FDXR: variants seen among roughly 807,000 people sequenced by gnomAD.
FDXR encodes the protein NADPH:adrenodoxin oxidoreductase, mitochondrial.
A neutral mutation model predicts 58.3 loss-of-function variants in FDXR; 38 were observed. The observed-to-expected ratio is 0.65, with a 90% CI of 0.50 to 0.85. FDXR has a LOEUF of 0.85. Among genes scored for constraint, FDXR ranks in the 40% least tolerant of loss-of-function variants. FDXR has a pLI of 0.00. For missense variants in FDXR, 624 were observed against 671.0 expected (o/e 0.93, Z 0.77); for synonymous variants, 275 against 273.8 (o/e 1.00, Z -0.04).
In FDXR at chr17:74,863,945, G is replaced by A. The variant is rs776712315; in HGVS notation, c.1125C>T (p.Ser375=). 4.5e-5 allele frequency: 73 copies of A among 1,613,936 alleles called. No individual in the cohort carries two copies. The highest frequency in any genetic ancestry group is 6.0e-5 in the Non-Finnish European group (71 of 1,180,006). The change falls in exon 10 of 12, where the codon TCC becomes TCT. Residue 375 remains serine (S), a synonymous_variant. Coordinates refer to ENST00000293195, the MANE Select transcript of FDXR (RefSeq NM_024417.5). ...CCACATTGGGGATGACCCCAAGCTT[G>A]GAGTCAAAGGGCACGCTTGGGTCGA... ...RPVDPSVPFD[S]KLGVIPNVEG... is the part of the protein sequence containing the mutation.
chr17:74,871,938 TA>T (rs2038386897), intron 2 of FDXR, 97 bp downstream of exon 2: 1 of 866,698 alleles, frequency 1.2e-6, no homozygotes. Flanking sequence ...CCCTTCCCCA[TA>T]AGGCAACCAG....
chr17:74,868,881 A>G, intron 2 of FDXR: 1 of 791,108 alleles, frequency 1.3e-6, no homozygotes, highest in South Asian at 1.9e-5. Flanking sequence ...CATCTCCCCA[A>G]GCTCCAAACC....
intron 5 of FDXR, 46 bp downstream of exon 5, chr17:74,866,085 T>G (rs1255529756): frequency 7.1e-7 from 1 of 1,409,950 alleles, no homozygotes; most frequent in Non-Finnish European, 1.0e-6. Flanking sequence ...ATCCAAGGGC[T>G]GAGGGGCGGG....
Position 74,866,565 on chromosome 17 carries a change from C to T in FDXR, c.274G>A (p.Val92Ile). ...GCCGTCTGGGTAAATGTGTTGATGACATTCTGCCAGGTCCCCCGGGAATGG... is the reference window on the plus strand; with the variant it reads ...GCCGTCTGGGTAAATGTGTTGATGATATTCTGCCAGGTCCCCCGGGAATGG... ...VAPDHPEVKN[V>I]INTFTQTAHS... The change falls in exon 4 of 12, where the codon GTC (valine) becomes ATC (isoleucine). Residue 92 changes from valine to isoleucine, a missense_variant. By Grantham distance (29) the Val-to-Ile change is conservative. Coordinates refer to ENST00000293195, the MANE Select transcript of FDXR (RefSeq NM_024417.5). 6.2e-7 allele frequency: 1 copy of T among 1,613,542 alleles called. No homozygotes were observed. Among genetic ancestry groups the T allele is most frequent in the Non-Finnish European group, 8.5e-7 (1 of 1,180,028 alleles).
chr17:74,867,695 G>A (rs1567915308), intron 2 of FDXR, among the ~76,000 whole-genome samples: 2 of 152,152 alleles, frequency 1.3e-5, no homozygotes, highest in African/African-American at 2.4e-5. Flanking sequence ...CTGCATGACC[G>A]CCTTCCCAGG....
intron 3 of FDXR, 59 bp downstream of exon 3, chr17:74,866,725 G>C (rs1385083740): frequency 1.9e-6 from 3 of 1,599,032 alleles, no homozygotes; most frequent in Non-Finnish European, 2.6e-6. Flanking sequence ...GAGCCTCCCT[G>C]CCCTCCTCAT....
Position 74,866,872 on chromosome 17 carries a change from G to A in FDXR, c.182C>T (p.Pro61Leu), listed in dbSNP as rs761299087. 7.4e-6 allele frequency: 12 copies of A among 1,613,682 alleles called. No homozygotes were observed. In the South Asian group the frequency reaches 1.3e-4, roughly 18 times the overall value. Residue 61 changes from proline to leucine, a missense_variant, in exon 3 of 12, where the codon CCC becomes CTC. Coordinates refer to ENST00000293195, the MANE Select transcript of FDXR (RefSeq NM_024417.5). ...CTCGTAGATGTCCACGTGGGCCTGG[G>A]GGTGCTGCTGGGGAACAGGGTGGCA... ...FYTAQHLLKH[P>L]QAHVDIYEKQ...
At position 74,864,277 on chromosome 17, in the gene FDXR, C is replaced by T. The variant is rs528032016; in HGVS notation, c.873G>A (p.Ala291=). The T allele has an allele frequency of 5.6e-5, 90 of 1,596,572 alleles. No individual in the cohort carries two copies. Among genetic ancestry groups the T allele is most frequent in the Non-Finnish European group, 6.8e-5 (79 of 1,168,136 alleles). Residue 291 remains alanine (A), a synonymous_variant, in exon 9 of 12, where the codon GCG becomes GCA. Transcript: ENST00000293195. The stretch of plus-strand genomic sequence containing the variant: ...AGGCCGATGCCTGGCGGGCAGCTTC[C>T]GCCGGCCCTGGCTTCTCTGTGGCCG... The part of the protein sequence containing the change: ...LRTATEKPGP[A]EAARQASASR...
chr17:74,866,598 T>C (rs200021623), intron 3 of FDXR, 30 bp from the exon 4 acceptor site: 3 of 1,613,282 alleles, frequency 1.9e-6, no homozygotes, highest in Admixed American at 1.7e-5. Context: ...TGGGAGGGGT[T>C]AGAGGGTAAG....
chr17:74,870,543 A>G (rs1426898943), intron 2 of FDXR, among the ~76,000 whole-genome samples: 1 of 146,300 alleles, frequency 6.8e-6, no homozygotes, highest in Non-Finnish European at 1.5e-5. Context: ...AAAAAAGAAC[A>G]CTGCCTGGAA....
chr17:74,866,490 C>A lies in FDXR; in HGVS notation c.349G>T (p.Val117Leu). ...FWGNVEVGRD[V>L]TVPELQEAYH... Reference sequence around the variant, plus strand: ...GCCTCCTGCAGCTCCGGCACCGTCACGTCCCTGCCCACCTCCACGTTGCCC... The same window carrying A: ...GCCTCCTGCAGCTCCGGCACCGTCAAGTCCCTGCCCACCTCCACGTTGCCC... Residue 117 changes from valine to leucine, a missense_variant, in exon 4 of 12, where the codon GTG becomes TTG. Physicochemically the swap from Val to Leu is conservative, Grantham distance 32. Transcript: ENST00000293195. 6.2e-7 allele frequency: 1 copy of A among 1,613,690 alleles called. No individual in the cohort carries two copies. The highest frequency in any genetic ancestry group is 8.5e-7 in the Non-Finnish European group (1 of 1,179,964).
intron 5 of FDXR, 112 bp from the exon 6 acceptor site, chr17:74,865,932 G>A (rs775420318): frequency 1.8e-5 from 17 of 956,668 alleles, no homozygotes; most frequent in East Asian, 7.8e-5. Context: ...TCCCCACACC[G>A]GGAAAGTCCA....
At position 74,866,681 on chromosome 17, in the gene FDXR, C is replaced by T. The variant is rs956420389; in HGVS notation, c.270+103G>A. 5 of 1,587,736 alleles carry T rather than the reference C, an allele frequency of 3.1e-6. No individual in the cohort carries two copies. In the African/African-American group the frequency reaches 6.7e-5, roughly 21 times the overall value. On this transcript the variant is annotated intron_variant, in intron 3 of 11. Coordinates refer to ENST00000293195, the MANE Select transcript of FDXR (RefSeq NM_024417.5). Reference sequence around the variant, plus strand: ...CAGGAGGGAAGCTGGGTGGCATGGGCACAGACGGCATGAAGTCCTGTCATC... The same window carrying T: ...CAGGAGGGAAGCTGGGTGGCATGGGTACAGACGGCATGAAGTCCTGTCATC...
At chr17:74,871,894 A>G (rs757064995) in intron 2 of FDXR, 142 bp downstream of exon 2, 2 of 572,170 alleles carry the variant, frequency 3.5e-6, no homozygotes, top group South Asian at 5.1e-5. Flanking sequence ...GTGAGGAAGC[A>G]AGTGGGAAGT....
Position 74,862,803 on chromosome 17 carries a change from G to C in FDXR, c.*14C>G. 2 of 1,603,104 alleles carry C rather than the reference G, an allele frequency of 1.2e-6. No homozygotes were observed. Among genetic ancestry groups the C allele is most frequent in the Non-Finnish European group, 1.7e-6 (2 of 1,177,154 alleles). On this transcript the variant is annotated 3_prime_UTR_variant, in exon 12 of 12. Transcript: ENST00000293195. Reference sequence around the variant, plus strand: ...TCATCCCTTCCCTGCTGGGGGCCGGGGCTGGGGCTGGGCTCAGTGGCCCAG... The same window carrying C: ...TCATCCCTTCCCTGCTGGGGGCCGGCGCTGGGGCTGGGCTCAGTGGCCCAG...
chr17:74,872,933 G>A lies in FDXR; in HGVS notation c.12C>T (p.Arg4=), dbSNP rs1250309569. The A allele has an allele frequency of 1.3e-6, 2 of 1,556,174 alleles. No individual in the cohort carries two copies. The highest frequency in any genetic ancestry group is 1.7e-6 in the Non-Finnish European group (2 of 1,150,338). Residue 4 remains arginine, a synonymous_variant, in exon 1 of 12, where the codon CGC becomes CGT. Transcript: ENST00000293195. MAS[R]CWRWWGWSAW... ...CCGACCAGCCCCACCAGCGCCAGCAGCGCGAAGCCATGGCTGGGAGCAGCA... is the reference window on the plus strand; with the variant it reads ...CCGACCAGCCCCACCAGCGCCAGCAACGCGAAGCCATGGCTGGGAGCAGCA...
chr17:74,863,320 T>G (rs2038042831), intron 10 of FDXR, 74 bp from the exon 11 acceptor site: 1 of 1,431,566 alleles, frequency 7.0e-7, no homozygotes, highest in African/African-American at 1.4e-5. Context: ...GCCCACAATC[T>G]ACACCCACGT....
At chr17:74,867,306 CAAAAAAAAAAAAA>C (rs56079045) in intron 2 of FDXR, among the ~76,000 whole-genome samples, 6 of 16,544 alleles carry the variant, frequency 3.6e-4, no homozygotes, top group East Asian at 1.9e-3. Flanking sequence ...GACTCTGTCT[CAAAAAAAAAAAAA>C]AAAAAAAAAA....
At position 74,864,513 on chromosome 17, in the gene FDXR, CA is replaced by C; in HGVS notation, c.768del (p.Val257TrpfsTer20). 1 of 1,614,148 alleles carries C rather than the reference CA, an allele frequency of 6.2e-7. No individual in the cohort carries two copies. Among genetic ancestry groups the C allele is most frequent in the Non-Finnish European group, 8.5e-7 (1 of 1,180,000 alleles). Reference sequence around the variant, plus strand: ...TTGTCCTGGAGACCCAAGAAATCCACAGGATCCAAAATGGGCCGGGCTCCCG... The same window carrying C: ...TTGTCCTGGAGACCCAAGAAATCCACGGATCCAAAATGGGCCGGGCTCCCG... Reference protein sequence around the residue: ...QLPGARPILDPVDFLGLQDKI... With the variant: ...QLPGARPILDXVDFLGLQDKI... On this transcript the variant is annotated frameshift_variant, in exon 8 of 12. Coordinates refer to ENST00000293195, the MANE Select transcript of FDXR (RefSeq NM_024417.5). LOFTEE classifies it high-confidence loss of function.
Sources: allele counts gnomAD v4.1 joint callset (sites outside exome capture counted in the v4.1 genomes callset), GRCh38; gene constraint gnomAD v4.1.1; transcripts MANE v1.5; gene names NCBI Gene and HGNC (gene_info 2026-07-23, HGNC 2026-07-21).